The following PPM1H variants were observed in gnomAD, a reference collection of about 807,000 sequenced individuals.
PPM1H encodes the protein protein phosphatase 1H.
PPM1H carries 27 observed loss-of-function variants against 54.9 expected under a neutral mutation model. The observed-to-expected ratio is 0.49, with a 90% CI of 0.36 to 0.68. PPM1H has a LOEUF of 0.68. PPM1H is among the 30% of genes least tolerant of loss of function. The pLI is 0.00. For synonymous variants in PPM1H, 305 were observed against 270.8 expected, an observed-to-expected ratio of 1.13 and a Z score of -1.24; for missense variants, 596 against 667.8, an observed-to-expected ratio of 0.89 and a Z score of 1.19.
At chr12:62,896,436 G>A (rs1008851572) in intron 1 of PPM1H, among the ~76,000 whole-genome samples, 33 of 152,194 alleles carry the variant, frequency 2.2e-4, no homozygotes, top group African/African-American at 3.4e-4. Flanking sequence ...AAAAGTGGGC[G>A]AAGGACATGA....
intron 1 of PPM1H, among the ~76,000 whole-genome samples, chr12:62,868,608 T>G (rs1234181112): frequency 6.6e-6 from 1 of 152,216 alleles, no homozygotes; most frequent in African/African-American, 2.4e-5. Context: ...ATTTTAATTT[T>G]TACTTTTAAG....
chr12:62,869,274 A>G (rs890841575), intron 1 of PPM1H, among the ~76,000 whole-genome samples: 1 of 152,200 alleles, frequency 6.6e-6, no homozygotes, highest in African/African-American at 2.4e-5. Flanking sequence ...TACTCTTATT[A>G]AAGTCATTTA....
At chr12:62,756,328 T>C (rs1372392542) in intron 4 of PPM1H, 5 of 505,916 alleles carry the variant, frequency 9.9e-6, no homozygotes, top group Non-Finnish European at 1.8e-5. Flanking sequence ...CCCACAACAC[T>C]GAGAATCTCC....
At chr12:62,784,498 A>G (rs2076659745) in intron 4 of PPM1H, among the ~76,000 whole-genome samples, 1 of 152,142 alleles carries the variant, frequency 6.6e-6, no homozygotes, top group Non-Finnish European at 1.5e-5. Flanking sequence ...CATATAACAA[A>G]TATTTTTTAC....
At chr12:62,786,363 G>C (rs540903676) in intron 4 of PPM1H, among the ~76,000 whole-genome samples, 2 of 152,210 alleles carry the variant, frequency 1.3e-5, no homozygotes, top group African/African-American at 4.8e-5. Context: ...AGATGTGCTG[G>C]TTCTTTTCCA....
chr12:62,842,593 C>G (rs1868794685), intron 1 of PPM1H, among the ~76,000 whole-genome samples: 1 of 152,208 alleles, frequency 6.6e-6, no homozygotes, highest in African/African-American at 2.4e-5. Flanking sequence ...ATTGGACTAT[C>G]TAGGCCTCTG....
intron 6 of PPM1H, among the ~76,000 whole-genome samples, chr12:62,703,925 A>G (rs997321158): frequency 6.6e-6 from 1 of 151,888 alleles, no homozygotes; most frequent in South Asian, 2.1e-4. Flanking sequence ...AAGCGGCCTT[A>G]CAGCAGGCAG....
At chr12:62,788,051 ATAAG>A (rs1414857071) in intron 4 of PPM1H, among the ~76,000 whole-genome samples, 171 bp downstream of exon 4, 1 of 152,264 alleles carries the variant, frequency 6.6e-6, no homozygotes, top group South Asian at 2.1e-4. Context: ...TGCTATATGC[ATAAG>A]TAAGAGACTG....
intron 9 of PPM1H, among the ~76,000 whole-genome samples, chr12:62,666,371 G>A (rs186616169): frequency 4.7e-4 from 64 of 135,692 alleles, no homozygotes; most frequent in African/African-American, 1.4e-3. Flanking sequence ...TGCCTTTCTC[G>A]AGAGGTAGTT....
chr12:62,858,196 C>A (rs188578518), intron 1 of PPM1H, among the ~76,000 whole-genome samples: 1 of 152,022 alleles, frequency 6.6e-6, no homozygotes, highest in East Asian at 1.9e-4. Context: ...ATTATAATTA[C>A]ATAATCAGGT....
intron 4 of PPM1H, among the ~76,000 whole-genome samples, chr12:62,748,690 T>C (rs1293411790): frequency 6.6e-6 from 1 of 152,198 alleles, no homozygotes; most frequent in Non-Finnish European, 1.5e-5. Flanking sequence ...CAAAGACTAA[T>C]TGTCAAGCCC....
chr12:62,671,392 A>C (rs1043021557), intron 8 of PPM1H, among the ~76,000 whole-genome samples: 1 of 152,106 alleles, frequency 6.6e-6, no homozygotes, highest in African/African-American at 2.4e-5. Context: ...GCAGTTTTTC[A>C]GAACAATATA....
At position 62,908,407 on chromosome 12, in the gene PPM1H, CAA is replaced by C. The variant is rs751766456; in HGVS notation, c.245+26083_245+26084del. 9.3e-5 allele frequency among the ~76,000 whole-genome samples: 9 copies of C among 96,872 alleles called. No homozygotes were observed. In the East Asian group the frequency reaches 1.0e-3, roughly 11 times the overall value. 63.6% of individuals were successfully genotyped at this position (96,872 alleles called of 152,430 possible). ...GGGTGACAAGAGCGAGACTCCGTCT[CAA>C]AAAAAAAAAAAAAAAAGAAAGAAAG... On this transcript the variant is annotated intron_variant, in intron 1 of 9. Transcript: ENST00000228705.
At chr12:62,742,969 C>T (rs957707723) in intron 4 of PPM1H, among the ~76,000 whole-genome samples, 7 of 152,004 alleles carry the variant, frequency 4.6e-5, no homozygotes, top group Non-Finnish European at 7.4e-5. Flanking sequence ...GCGTTATTTG[C>T]GATACAATGA....
intron 1 of PPM1H, among the ~76,000 whole-genome samples, chr12:62,901,070 T>TTCCATG (rs1423425655): frequency 1.3e-5 from 2 of 152,236 alleles, no homozygotes; most frequent in Non-Finnish European, 2.9e-5. Context: ...CCGCCTCTAT[T>TTCCATG]TCCATGTAGC....
At chr12:62,799,303 T>A (rs189638520) in intron 3 of PPM1H, among the ~76,000 whole-genome samples, 76 of 152,248 alleles carry the variant, frequency 5.0e-4, no homozygotes, top group Middle Eastern at 3.4e-3. Context: ...GAGTCCTGAG[T>A]CAATGTGACA....
At chr12:62,708,487 T>G (rs1458507166) in intron 6 of PPM1H, among the ~76,000 whole-genome samples, 2 of 152,174 alleles carry the variant, frequency 1.3e-5, no homozygotes, top group Non-Finnish European at 2.9e-5. Flanking sequence ...AGAAAATTTA[T>G]CAAGCTCTGG....
rs1422143651 is a variant in PPM1H, at chr12:62,934,454, G to A, written c.245+38C>T. The A allele has an allele frequency of 6.6e-6, 10 of 1,508,248 alleles. No homozygotes were observed. The highest frequency in any genetic ancestry group is 8.9e-6 in the Non-Finnish European group (10 of 1,129,902). The allele number at this position is 1,508,248 out of a possible 1,614,324, so 93.4% of individuals were successfully genotyped here. On this transcript the variant is annotated intron_variant, in intron 1 of 9. Coordinates refer to ENST00000228705, the MANE Select transcript of PPM1H (RefSeq NM_020700.2). The surrounding 1 kb of genome is among the most constrained non-coding windows in gnomAD (Gnocchi z 4.2). ...CTGGAACCGTGCGGGGAAGGGCCGC[G>A]AGGAGAGCAGGGGCGCCGCCGGTGT...
At chr12:62,812,154 T>C (rs1252901630) in intron 2 of PPM1H, among the ~76,000 whole-genome samples, 1 of 152,238 alleles carries the variant, frequency 6.6e-6, no homozygotes, top group African/African-American at 2.4e-5. Context: ...GTTGCTTGTG[T>C]TATTTTAATT....
Sources: gnomAD v4.1 joint callset for allele counts (sites outside exome capture counted in the v4.1 genomes callset) on GRCh38, gnomAD v4.1.1 for gene constraint, Gnocchi (gnomAD v3.1) non-coding constraint, MANE v1.5 for transcripts, NCBI Gene and HGNC (gene_info 2026-07-23, HGNC 2026-07-21) for gene names.